MAN2A1: variants seen among roughly 807,000 people sequenced by gnomAD.
The protein encoded by MAN2A1 is alpha-mannosidase 2.
A neutral mutation model predicts 142.6 loss-of-function variants in MAN2A1; 76 were observed. The observed-to-expected ratio is 0.53, with a 90% CI of 0.44 to 0.65. The LOEUF (loss-of-function observed/expected upper bound fraction) is 0.65, where lower values mean the gene tolerates loss of function less well. Among genes scored for constraint, MAN2A1 ranks in the 30% least tolerant of loss-of-function variants. The pLI is 0.00. For missense variants in MAN2A1, 1,311 were observed against 1,365.1 expected (o/e 0.96, Z 0.62); for synonymous variants, 559 against 473.2 (o/e 1.18, Z -2.35).
intron 5 of MAN2A1, among the ~76,000 whole-genome samples, chr5:109,764,329 TTGAA>T (rs1752934144): frequency 1.3e-5 from 2 of 152,202 alleles, no homozygotes; most frequent in Admixed American, 1.3e-4. Flanking sequence ...TTCTTGTATT[TTGAA>T]CAGTTTTTAC....
intron 4 of MAN2A1, 26 bp from the exon 5 acceptor site, chr5:109,755,303 G>T: frequency 1.3e-6 from 2 of 1,574,196 alleles, no homozygotes; most frequent in South Asian, 2.3e-5. Context: ...ATTTATTAAT[G>T]TAGACTCTTG....
intron 12 of MAN2A1, among the ~76,000 whole-genome samples, chr5:109,811,579 T>C (rs1464344141): frequency 5.7e-5 from 6 of 105,824 alleles, no homozygotes; most frequent in African/African-American, 1.7e-4. Context: ...CAGCCGTGTG[T>C]GTGTGTGTGT....
chr5:109,844,784 C>G (rs747639433), intron 17 of MAN2A1, among the ~76,000 whole-genome samples: 2 of 152,178 alleles, frequency 1.3e-5, no homozygotes, highest in African/African-American at 2.4e-5. Flanking sequence ...CCTCTTGTAT[C>G]TGTCTGTCTG....
In MAN2A1 at chr5:109,756,528, G is replaced by C. The variant is rs545635292; in HGVS notation, c.835+1072G>C. On this transcript the variant is annotated intron_variant, in intron 5 of 21. Transcript: ENST00000261483. ...TTTATTTTGAGATAATTGCAAATTT[G>C]AAGAAATGTATAAGAATACTGCAAA... Among the ~76,000 whole-genome samples, 6 of 151,998 alleles carry C rather than the reference G, an allele frequency of 3.9e-5. No individual in the cohort carries two copies. In the East Asian group the frequency reaches 1.2e-3, roughly 29 times the overall value.
chr5:109,718,972 A>G (rs903206335), intron 3 of MAN2A1, among the ~76,000 whole-genome samples: 10 of 98,726 alleles, frequency 1.0e-4, no homozygotes, highest in African/African-American at 7.1e-4. Context: ...ACTTATTTCT[A>G]TTCTTAAAAA....
chr5:109,742,134 A>G (rs1175995331), intron 4 of MAN2A1, among the ~76,000 whole-genome samples: 3 of 152,230 alleles, frequency 2.0e-5, no homozygotes, highest in Non-Finnish European at 4.4e-5. Context: ...AGCATGTTAC[A>G]TATTCATTGT....
intron 5 of MAN2A1, among the ~76,000 whole-genome samples, chr5:109,759,962 TATAGATAGATAGATAG>T (rs1035592534): frequency 1.4e-4 from 7 of 49,450 alleles, no homozygotes; most frequent in African/African-American, 6.2e-4. Flanking sequence ...TATATATATA[TATAGATAGATAGATAG>T]ATAGATAGAT....
intron 3 of MAN2A1, among the ~76,000 whole-genome samples, chr5:109,718,618 C>T (rs80034289): frequency 0.019 from 2,822 of 152,266 alleles, 34 homozygotes; most frequent in Middle Eastern, 0.071. Flanking sequence ...AGAATAATTG[C>T]CAAATAAATA....
At chr5:109,757,624 CCA>C (rs1212486044) in intron 5 of MAN2A1, among the ~76,000 whole-genome samples, 1 of 152,150 alleles carries the variant, frequency 6.6e-6, no homozygotes, top group Non-Finnish European at 1.5e-5. Context: ...GCAACCATCA[CCA>C]CAGTCTATTT....
chr5:109,745,684 T>C (rs1424079222), intron 4 of MAN2A1, among the ~76,000 whole-genome samples: 2 of 152,186 alleles, frequency 1.3e-5, no homozygotes, highest in Non-Finnish European at 2.9e-5. Flanking sequence ...AGTGGTACTA[T>C]CATAGCTCAC....
intron 3 of MAN2A1, among the ~76,000 whole-genome samples, chr5:109,727,986 G>C (rs1751792887): frequency 6.6e-6 from 1 of 152,174 alleles, no homozygotes; most frequent in Non-Finnish European, 1.5e-5. Context: ...GAAGTATCCA[G>C]GAGGTGTTCT....
At chr5:109,731,412 C>T (rs1275565196) in intron 4 of MAN2A1, among the ~76,000 whole-genome samples, 2 of 151,082 alleles carry the variant, frequency 1.3e-5, no homozygotes, top group African/African-American at 4.9e-5. Flanking sequence ...GCACAATGTT[C>T]AGGTTAGTTA....
intron 12 of MAN2A1, among the ~76,000 whole-genome samples, chr5:109,816,862 TTTAA>T (rs1385230820): frequency 6.6e-6 from 1 of 152,222 alleles, no homozygotes; most frequent in Non-Finnish European, 1.5e-5. Context: ...TGAATCATTA[TTTAA>T]TTACCCTTTG....
chr5:109,816,833 A>T (rs1441330598), intron 12 of MAN2A1, among the ~76,000 whole-genome samples: 1 of 152,174 alleles, frequency 6.6e-6, no homozygotes, highest in Non-Finnish European at 1.5e-5. Context: ...TAAAGCATTA[A>T]TTCTTTAGAA....
chr5:109,766,083 G>C (rs1752980797), intron 5 of MAN2A1, among the ~76,000 whole-genome samples: 1 of 152,016 alleles, frequency 6.6e-6, no homozygotes, highest in African/African-American at 2.4e-5. Context: ...ATTTGTGTAT[G>C]TTTGTGAATA....
chr5:109,690,196 G>A lies in MAN2A1; in HGVS notation c.-222G>A, dbSNP rs1166653631. 4 of 513,476 alleles carry A rather than the reference G, an allele frequency of 7.8e-6. No individual in the cohort carries two copies. The highest frequency in any genetic ancestry group is 1.4e-5 in the Non-Finnish European group (4 of 285,202). The allele number at this position is 513,476 out of a possible 1,614,324, so 31.8% of individuals were successfully genotyped here. A position where few individuals can be genotyped will look rare whatever the true frequency, so the allele number is the denominator to read the frequency against. ...CGGCGAGTCTCGCCTCGAGAGGGGC[G>A]CCCGACCCCGGGGAGGGCGGCAGGC... On this transcript the variant is annotated 5_prime_UTR_variant, in exon 1 of 22. Coordinates refer to ENST00000261483, the MANE Select transcript of MAN2A1 (RefSeq NM_002372.4).
intron 1 of MAN2A1, among the ~76,000 whole-genome samples, 164 bp downstream of exon 1, chr5:109,690,716 C>T (rs1750643232): frequency 6.6e-6 from 1 of 152,176 alleles, no homozygotes; most frequent in African/African-American, 2.4e-5. Context: ...CTCCTGGGAG[C>T]CACCTCGCCC....
Position 109,812,615 on chromosome 5 carries a change from A to G in MAN2A1, c.1944-4658A>G, listed in dbSNP as rs373722272. Among the ~76,000 whole-genome samples the G allele has an allele frequency of 1.2e-3, 180 of 152,292 alleles. 1 individual carries two copies. Among genetic ancestry groups the G allele is most frequent in the South Asian group, 0.011 (53 of 4,828 alleles). On this transcript the variant is annotated intron_variant, in intron 12 of 21. Transcript: ENST00000261483. ...GAAATGATTTTTTTAATATGTTGTC[A>G]TTGATTAAGAGTCAGACAAAATGAG... is the stretch of plus-strand genomic sequence containing the variant.
At chr5:109,802,679 T>G (rs1421944582) in intron 12 of MAN2A1, among the ~76,000 whole-genome samples, 3 of 152,154 alleles carry the variant, frequency 2.0e-5, no homozygotes, top group Non-Finnish European at 4.4e-5. Flanking sequence ...AAGAAATCTT[T>G]GCTAGCTGAG....
Sources: gnomAD v4.1 joint callset for allele counts (sites outside exome capture counted in the v4.1 genomes callset) on GRCh38, gnomAD v4.1.1 for gene constraint, MANE v1.5 for transcripts, NCBI Gene and HGNC (gene_info 2026-07-23, HGNC 2026-07-21) for gene names.